Variants in ELMO1 observed in about 807,000 individuals in gnomAD.
ELMO1 encodes the protein engulfment and cell motility 1, also known as engulfment and cell motility protein 1.
In ELMO1, 26 loss-of-function variants were observed where a neutral mutation model predicts 98.9. The ratio of observed to expected loss-of-function variants is 0.26; its 90% CI spans 0.19 to 0.36. The LOEUF (loss-of-function observed/expected upper bound fraction) is 0.36. ELMO1 is among the 10% of genes least tolerant of loss of function. The pLI, the probability that ELMO1 is intolerant of heterozygous loss-of-function variation, is 1.00. For missense variants in ELMO1, 627 were observed against 935.2 expected (o/e 0.67, Z 4.30); for synonymous variants, 346 against 346.0 (o/e 1.00, Z 0.00).
chr7:37,417,534 G>A lies in ELMO1; in HGVS notation c.-74+31141C>T, dbSNP rs528403906. 1.2e-4 allele frequency among the ~76,000 whole-genome samples: 19 copies of A among 152,190 alleles called. No homozygotes were observed. In the East Asian group the frequency reaches 3.5e-3, roughly 28 times the overall value. On this transcript the variant is annotated intron_variant, in intron 1 of 21. Coordinates refer to ENST00000310758, the MANE Select transcript of ELMO1 (RefSeq NM_014800.11). ...ACAAAATTAGCTGGGCATGGTGGTG[G>A]GCGCTTGTAGTCCCAGCTACTCGGG...
At chr7:37,278,082 A>G (rs372916360) in intron 4 of ELMO1, among the ~76,000 whole-genome samples, 1 of 139,086 alleles carries the variant, frequency 7.2e-6, no homozygotes, top group East Asian at 2.1e-4. Context: ...TTCTCAATAA[A>G]TTCTGACTTT....
intron 16 of ELMO1, among the ~76,000 whole-genome samples, chr7:36,925,817 C>G (rs958635875): frequency 1.3e-5 from 2 of 152,190 alleles, no homozygotes; most frequent in African/African-American, 2.4e-5. Context: ...TCTGTGAGGG[C>G]TGCCAGGCTG....
chr7:37,109,496 G>A (rs1432007181), intron 14 of ELMO1, among the ~76,000 whole-genome samples: 2 of 152,082 alleles, frequency 1.3e-5, no homozygotes, highest in Non-Finnish European at 2.9e-5. Flanking sequence ...CCCACGCGCT[G>A]CCTCCACTCT....
rs181741994 is a variant in ELMO1, at chr7:37,290,282, A to T, written c.193-18400T>A. ...TGCTAAACAAGATAACATACGTCAGAGAAACATTAGCTGATGTAAAAGGAA... is the reference window on the plus strand; with the variant it reads ...TGCTAAACAAGATAACATACGTCAGTGAAACATTAGCTGATGTAAAAGGAA... On this transcript the variant is annotated intron_variant, in intron 4 of 21. Coordinates refer to ENST00000310758, the MANE Select transcript of ELMO1 (RefSeq NM_014800.11). 2.0e-3 allele frequency among the ~76,000 whole-genome samples: 299 copies of T among 152,360 alleles called. 1 individual carries two copies. The highest frequency in any genetic ancestry group is 6.9e-3 in the African/African-American group (286 of 41,582).
At chr7:37,146,769 A>T (rs1210019515) in intron 13 of ELMO1, among the ~76,000 whole-genome samples, 1 of 152,222 alleles carries the variant, frequency 6.6e-6, no homozygotes, top group Non-Finnish European at 1.5e-5. Context: ...AGAGAGAGAC[A>T]TGGTGAATAT....
intron 16 of ELMO1, among the ~76,000 whole-genome samples, chr7:36,927,735 T>C (rs1785696300): frequency 6.6e-6 from 1 of 152,188 alleles, no homozygotes; most frequent in South Asian, 2.1e-4. Context: ...TCCCTATACA[T>C]TTAGCATCAC....
Position 37,063,644 on chromosome 7 carries a change from T to C in ELMO1, c.1300+32975A>G, listed in dbSNP as rs1458794452. ...TTCATCACAGCTTCTACCATCATCC[T>C]GGGTTGCTTTTAAATCCACTTGTAT... On this transcript the variant is annotated intron_variant, in intron 15 of 21. Transcript: ENST00000310758. Among the ~76,000 whole-genome samples the C allele has an allele frequency of 3.3e-5, 5 of 152,186 alleles. No individual in the cohort carries two copies. In the South Asian group the frequency reaches 8.3e-4, roughly 25 times the overall value.
intron 4 of ELMO1, among the ~76,000 whole-genome samples, chr7:37,288,723 A>C (rs999756850): frequency 6.6e-6 from 1 of 152,198 alleles, no homozygotes; most frequent in African/African-American, 2.4e-5. Context: ...TTAGTGTATA[A>C]GTTTTGACAC....
In ELMO1 at chr7:37,257,173, C is replaced by T. The variant is rs778654116; in HGVS notation, c.413+2008G>A. Among the ~76,000 whole-genome samples, 12 of 152,300 alleles carry T rather than the reference C, an allele frequency of 7.9e-5. 1 individual carries two copies. The highest frequency in any genetic ancestry group is 2.0e-4 in the Admixed American group (3 of 15,310). On this transcript the variant is annotated intron_variant, in intron 6 of 21. Transcript: ENST00000310758. ...AGAGCTGGCCCCGCCTGGCTCCTGA[C>T]GCTCCACAGTCACACCAGAGAGCAA...
intron 15 of ELMO1, among the ~76,000 whole-genome samples, chr7:37,014,958 A>G (rs778131503): frequency 1.3e-5 from 2 of 152,078 alleles, no homozygotes; most frequent in Non-Finnish European, 2.9e-5. Flanking sequence ...ATCAAGCCTC[A>G]TGGAAACACA....
chr7:37,048,427 C>T (rs1202861663), intron 15 of ELMO1, among the ~76,000 whole-genome samples: 2 of 152,166 alleles, frequency 1.3e-5, no homozygotes. Flanking sequence ...TTTCATAAGA[C>T]AGCAAATGAA....
chr7:37,134,730 AT>A (rs1435950249), intron 13 of ELMO1, among the ~76,000 whole-genome samples: 6 of 152,268 alleles, frequency 3.9e-5, no homozygotes, highest in Admixed American at 2.6e-4. Flanking sequence ...CTATTTGGTC[AT>A]AAAAAAAGAA....
At chr7:37,196,686 C>T (rs1016482590) in intron 13 of ELMO1, among the ~76,000 whole-genome samples, 16 of 152,154 alleles carry the variant, frequency 1.1e-4, no homozygotes, top group Middle Eastern at 6.3e-3. Flanking sequence ...TCTGAACCTG[C>T]GACTAAACAA....
intron 2 of ELMO1, among the ~76,000 whole-genome samples, chr7:37,323,714 G>C (rs1386352184): frequency 2.0e-5 from 3 of 152,160 alleles, no homozygotes; most frequent in Non-Finnish European, 4.4e-5. Context: ...CTTAAAGTGA[G>C]TATTGGTCTT....
chr7:36,887,755 G>T, intron 17 of ELMO1, 83 bp from the exon 18 acceptor site: 1 of 1,217,656 alleles, frequency 8.2e-7, no homozygotes, highest in Non-Finnish European at 1.2e-6. Context: ...ATACGGGCAG[G>T]GGAGAACAAG....
chr7:37,404,188 C>A (rs1001192885), intron 1 of ELMO1, among the ~76,000 whole-genome samples: 1 of 152,054 alleles, frequency 6.6e-6, no homozygotes, highest in Non-Finnish European at 1.5e-5. Flanking sequence ...TTAAGGTATG[C>A]ATGGGAAGGT....
At chr7:37,175,898 G>C (rs1790473355) in intron 13 of ELMO1, among the ~76,000 whole-genome samples, 2 of 152,108 alleles carry the variant, frequency 1.3e-5, no homozygotes, top group African/African-American at 4.8e-5. Flanking sequence ...GATCACTTTA[G>C]AATGGACAGT....
At chr7:37,163,902 A>G (rs896639738) in intron 13 of ELMO1, among the ~76,000 whole-genome samples, 3 of 152,180 alleles carry the variant, frequency 2.0e-5, no homozygotes, top group African/African-American at 7.2e-5. Flanking sequence ...AGATCCCTGA[A>G]GAATCGCCAC....
At chr7:37,093,382 C>T (rs536352959) in intron 15 of ELMO1, among the ~76,000 whole-genome samples, 2 of 152,228 alleles carry the variant, frequency 1.3e-5, no homozygotes, top group East Asian at 1.9e-4. Flanking sequence ...TCCTTTCTCC[C>T]CAGCAGTTAG....
Sources: gnomAD v4.1 joint callset for allele counts (sites outside exome capture counted in the v4.1 genomes callset) on GRCh38, gnomAD v4.1.1 for gene constraint, MANE v1.5 for transcripts, NCBI Gene and HGNC (gene_info 2026-07-23, HGNC 2026-07-21) for gene names.